RSPRY1: variants seen among roughly 807,000 people sequenced by gnomAD.
RSPRY1 encodes the protein ring finger and SPRY domain containing 1.
Under a neutral mutation model 73.1 loss-of-function variants are expected in RSPRY1, and 23 were observed. The observed-to-expected ratio is 0.31, with a 90% CI of 0.23 to 0.45. The LOEUF (loss-of-function observed/expected upper bound fraction) is 0.45. Ranked by LOEUF, RSPRY1 falls within the 20% of genes least tolerant of loss-of-function variation. The probability of loss-of-function intolerance (pLI) is 1.00; values close to 1 mark genes in which losing one functional copy is unlikely to be tolerated. For missense variants in RSPRY1, 448 were observed against 698.7 expected (o/e 0.64, Z 4.05); for synonymous variants, 226 against 251.4 (o/e 0.90, Z 0.95).
At position 57,220,773 on chromosome 16, in the gene RSPRY1, T is replaced by C. The variant is rs769366108; in HGVS notation, c.943T>C (p.Leu315=). Residue 315 remains leucine (L), a synonymous_variant, in exon 9 of 15, where the codon TTG becomes CTG. Transcript: ENST00000394420. The stretch of plus-strand genomic sequence containing the variant: ...ACAGCTGACCTATGAGAAAGTGAAC[T>C]TGAGTAGCATTAGGGCCATGCTGAA... The part of the protein sequence containing the change: ...GRQLTYEKVN[L]SSIRAMLNSN... 4 of 1,613,834 alleles carry C rather than the reference T, an allele frequency of 2.5e-6. No homozygotes were observed. The highest frequency in any genetic ancestry group is 1.6e-4 in the Middle Eastern group (1 of 6,084).
intron 10 of RSPRY1, among the ~76,000 whole-genome samples, chr16:57,225,048 G>A (rs2075099434): frequency 6.6e-6 from 1 of 152,154 alleles, no homozygotes; most frequent in African/African-American, 2.4e-5. Context: ...TTTCTAGCAA[G>A]TAGTGAATTT....
intron 2 of RSPRY1, 66 bp from the exon 3 acceptor site, chr16:57,207,992 G>A: frequency 2.0e-6 from 2 of 993,898 alleles, no homozygotes; most frequent in Non-Finnish European, 3.1e-6. Context: ...CCTCCAGTTT[G>A]AATTCTTATT....
chr16:57,235,107 T>C lies in RSPRY1; in HGVS notation c.1530-17T>C, dbSNP rs758517360. On this transcript the variant is annotated splice_polypyrimidine_tract_variant and intron_variant, in intron 13 of 14. Transcript: ENST00000394420. ...CCCTGTTGACAAAATGTATTTCAAA[T>C]TGCTTTTTCTACTCAGGCACAGGCG... 6.3e-7 allele frequency: 1 copy of C among 1,596,590 alleles called. No homozygotes were observed.
chr16:57,225,312 A>G (rs766405025), intron 10 of RSPRY1, among the ~76,000 whole-genome samples: 2 of 152,130 alleles, frequency 1.3e-5, no homozygotes, highest in African/African-American at 4.8e-5. Flanking sequence ...CTGCCCCCCA[A>G]AGTGCTGAAA....
chr16:57,199,436 G>A (rs1432221462), intron 1 of RSPRY1, among the ~76,000 whole-genome samples: 1 of 152,134 alleles, frequency 6.6e-6, no homozygotes, highest in Non-Finnish European at 1.5e-5. Context: ...AGGTTGCAGT[G>A]AGCCAAGATC....
intron 1 of RSPRY1, chr16:57,186,694 C>T (rs895550855): frequency 4.0e-5 from 6 of 151,756 alleles, no homozygotes; most frequent in African/African-American, 1.2e-4. Flanking sequence ...GAAGAGGTTC[C>T]TAGAAGAGGG....
At chr16:57,192,153 T>C (rs1216504904) in intron 1 of RSPRY1, among the ~76,000 whole-genome samples, 1 of 152,226 alleles carries the variant, frequency 6.6e-6, no homozygotes, top group Non-Finnish European at 1.5e-5. Context: ...GAGTATGCAG[T>C]ATGAGTGTTT....
chr16:57,196,054 G>T (rs1375873498), intron 1 of RSPRY1, among the ~76,000 whole-genome samples: 5 of 124,914 alleles, frequency 4.0e-5, no homozygotes, highest in African/African-American at 1.4e-4. Flanking sequence ...TATATATATA[G>T]GTATTACAGA....
Position 57,238,892 on chromosome 16 carries a change from G to T in RSPRY1, c.1648G>T (p.Asp550Tyr), listed in dbSNP as rs762838952. Residue 550 changes from aspartate (D) to tyrosine (Y), a missense_variant, in exon 15 of 15, where the codon GAT becomes TAT. Coordinates refer to ENST00000394420, the MANE Select transcript of RSPRY1 (RefSeq NM_133368.3). ...GTTTCTCCCCAGTGACCTGTGCATG[G>T]ATTGTGCCTTGCAGCTGGAGACCTG... is the stretch of plus-strand genomic sequence containing the variant. ...KPCGHSDLCM[D>Y]CALQLETCPL... The T allele has an allele frequency of 1.2e-6, 2 of 1,606,282 alleles. No homozygotes were observed. The highest frequency in any genetic ancestry group is 4.5e-5 in the East Asian group (2 of 44,596).
chr16:57,204,011 CTT>C, intron 1 of RSPRY1, among the ~76,000 whole-genome samples: 1 of 152,092 alleles, frequency 6.6e-6, no homozygotes, highest in South Asian at 2.1e-4. Flanking sequence ...TGTATCATAA[CTT>C]TTTTTTAACA....
intron 4 of RSPRY1, among the ~76,000 whole-genome samples, chr16:57,210,033 C>A (rs2146272607): frequency 8.8e-6 from 1 of 114,274 alleles, no homozygotes; most frequent in East Asian, 3.2e-4. Flanking sequence ...TTCTTTCCCT[C>A]CCTCCCTCCC....
chr16:57,214,738 C>G (rs1358963492), intron 6 of RSPRY1, among the ~76,000 whole-genome samples: 3 of 152,204 alleles, frequency 2.0e-5, no homozygotes, highest in African/African-American at 7.2e-5. Flanking sequence ...TTCATCAAGA[C>G]TAAATGAGGG....
chr16:57,232,569 C>T (rs1436160888), intron 13 of RSPRY1, among the ~76,000 whole-genome samples: 4 of 152,110 alleles, frequency 2.6e-5, no homozygotes, highest in African/African-American at 9.7e-5. Context: ...CTGCCTTTTC[C>T]TTGGATGAAG....
chr16:57,238,288 G>A (rs1035022383), intron 14 of RSPRY1, among the ~76,000 whole-genome samples: 3 of 152,110 alleles, frequency 2.0e-5, no homozygotes. Flanking sequence ...CATAAAAAGA[G>A]CAACATGATT....
rs1424724047 is a variant in RSPRY1, at chr16:57,224,227, A to G, written c.1161+2812A>G. ...TTGCTGCTGGAAATCCATCCTAACT[A>G]TCCCTCTGTTTGGGGTCACTTGCAC... On this transcript the variant is annotated intron_variant, in intron 10 of 14. Coordinates refer to ENST00000394420, the MANE Select transcript of RSPRY1 (RefSeq NM_133368.3). 2.6e-5 allele frequency among the ~76,000 whole-genome samples: 4 copies of G among 152,276 alleles called. No individual in the cohort carries two copies. In the South Asian group the frequency reaches 6.2e-4, roughly 24 times the overall value.
intron 8 of RSPRY1, among the ~76,000 whole-genome samples, chr16:57,217,430 T>G (rs1304558581): frequency 1.3e-5 from 2 of 152,160 alleles, no homozygotes; most frequent in Non-Finnish European, 2.9e-5. Flanking sequence ...CTTTCCCAAC[T>G]TTGCTCTTCA....
intron 1 of RSPRY1, among the ~76,000 whole-genome samples, chr16:57,188,329 T>G (rs1475943826): frequency 6.6e-6 from 1 of 152,004 alleles, no homozygotes; most frequent in Non-Finnish European, 1.5e-5. Flanking sequence ...TTTCCAAATA[T>G]CGGGCAATCA....
Position 57,209,126 on chromosome 16 carries a change from A to C in RSPRY1, c.455A>C (p.Glu152Ala). 6.2e-7 allele frequency: 1 copy of C among 1,613,644 alleles called. No homozygotes were observed. Among genetic ancestry groups the C allele is most frequent in the East Asian group, 2.2e-5 (1 of 44,820 alleles). Residue 152 changes from glutamate (E) to alanine (A), a missense_variant, in exon 4 of 15, where the codon GAA becomes GCA. Physicochemically the swap from Glu to Ala is moderately radical, Grantham distance 107. Transcript: ENST00000394420. ...VQSLIRVIPL[E>A]DPLGPAVITL... Reference sequence around the variant, plus strand: ...TCTTTAATTAGAGTTATTCCACTGGAAGATCCACTGGGACCAGCTGTTATA... The same window carrying C: ...TCTTTAATTAGAGTTATTCCACTGGCAGATCCACTGGGACCAGCTGTTATA...
chr16:57,206,929 A>G (rs2074737285), intron 2 of RSPRY1, among the ~76,000 whole-genome samples: 1 of 152,212 alleles, frequency 6.6e-6, no homozygotes, highest in African/African-American at 2.4e-5. Flanking sequence ...ACTTTTCTCA[A>G]CATCGAAATC....
Sources: allele counts gnomAD v4.1 joint callset (sites outside exome capture counted in the v4.1 genomes callset), GRCh38; gene constraint gnomAD v4.1.1; transcripts MANE v1.5; gene names NCBI Gene and HGNC (gene_info 2026-07-23, HGNC 2026-07-21).